The following KIRREL1 variants were observed in gnomAD, a reference collection of about 807,000 sequenced individuals.
The protein encoded by KIRREL1 is kirre like nephrin family adhesion molecule 1.
Under a neutral mutation model 83.3 loss-of-function variants are expected in KIRREL1, and 25 were observed. That is an observed-to-expected ratio of 0.30 (90% CI 0.22 to 0.42). KIRREL1 has a LOEUF of 0.42. Ranked by LOEUF, KIRREL1 falls within the 10% of genes least tolerant of loss-of-function variation. The pLI, the probability that KIRREL1 is intolerant of heterozygous loss-of-function variation, is 1.00. For synonymous variants in KIRREL1, 388 were observed against 410.4 expected (o/e 0.95, Z 0.66); for missense variants, 812 against 1,032.3 (o/e 0.79, Z 2.92).
chr1:158,099,552 C>T lies in KIRREL1; in HGVS notation c.*4432C>T, dbSNP rs960514876. The T allele has an allele frequency of 2.0e-5, 3 of 152,122 alleles. No individual in the cohort carries two copies. Among genetic ancestry groups the T allele is most frequent in the African/African-American group, 7.2e-5 (3 of 41,408 alleles). 9.4% of individuals were successfully genotyped at this position (152,122 alleles called of 1,614,324 possible). A position where few individuals can be genotyped will look rare whatever the true frequency, so the allele number is the denominator to read the frequency against. On this transcript the variant is annotated 3_prime_UTR_variant, in exon 15 of 15. Transcript: ENST00000359209. Reference sequence around the variant, plus strand: ...ATTTTTTTGCATCACTGTGAGGTAGCTTCAGGCCCTGTCCCTGGAGAAATA... The same window carrying T: ...ATTTTTTTGCATCACTGTGAGGTAGTTTCAGGCCCTGTCCCTGGAGAAATA...
intron 1 of KIRREL1, among the ~76,000 whole-genome samples, chr1:158,008,696 C>A (rs983587106): frequency 2.0e-5 from 3 of 152,114 alleles, no homozygotes; most frequent in Non-Finnish European, 4.4e-5. Flanking sequence ...AAGGGCTCAC[C>A]TTTACTCAGC....
intron 1 of KIRREL1, among the ~76,000 whole-genome samples, chr1:158,035,167 CCT>C (rs1337154065): frequency 1.3e-5 from 2 of 152,310 alleles, no homozygotes; most frequent in Admixed American, 1.3e-4. Context: ...ATTCAGGCTC[CCT>C]CTCTGCCTCT....
chr1:158,008,642 G>A (rs943170625), intron 1 of KIRREL1, among the ~76,000 whole-genome samples: 1 of 152,118 alleles, frequency 6.6e-6, no homozygotes, highest in Non-Finnish European at 1.5e-5. Flanking sequence ...CCCTGGAAAT[G>A]ACCAGGGAAT....
In KIRREL1 at chr1:158,091,501, C is replaced by T; in HGVS notation, c.1416C>T (p.Cys472=). Residue 472 remains cysteine, a synonymous_variant, in exon 11 of 15, where the codon TGC becomes TGT. Coordinates refer to ENST00000359209, the MANE Select transcript of KIRREL1 (RefSeq NM_018240.7). ...CCGACTTTCAGACTCACTACAACTG[C>T]ACCGCCTGGAACAGCTTCGGGCCAG... is the stretch of plus-strand genomic sequence containing the variant. ...MEADFQTHYN[C]TAWNSFGPGT... 1.2e-6 allele frequency: 2 copies of T among 1,614,270 alleles called. No individual in the cohort carries two copies. Among genetic ancestry groups the T allele is most frequent in the Non-Finnish European group, 1.7e-6 (2 of 1,180,052 alleles).
intron 1 of KIRREL1, among the ~76,000 whole-genome samples, 175 bp from the exon 2 acceptor site, chr1:158,075,938 G>C (rs1027666362): frequency 1.3e-5 from 2 of 152,218 alleles, no homozygotes; most frequent in Non-Finnish European, 2.9e-5. Context: ...AAGGAATAAA[G>C]GGTAAGGACG....
At chr1:158,028,360 T>A (rs1284904490) in intron 1 of KIRREL1, among the ~76,000 whole-genome samples, 1 of 152,208 alleles carries the variant, frequency 6.6e-6, no homozygotes, top group East Asian at 1.9e-4. Context: ...AGCTGTGTGA[T>A]GTGTCCCATC....
chr1:158,008,644 C>T (rs2101632356), intron 1 of KIRREL1, among the ~76,000 whole-genome samples: 1 of 152,076 alleles, frequency 6.6e-6, no homozygotes, highest in Non-Finnish European at 1.5e-5. Context: ...CTGGAAATGA[C>T]CAGGGAATGA....
chr1:158,077,926 GGT>G (rs1178884208), intron 2 of KIRREL1, 63 bp from the exon 3 acceptor site: 1 of 1,575,094 alleles, frequency 6.3e-7, no homozygotes, highest in Non-Finnish European at 8.7e-7. Flanking sequence ...GAGGAGTACT[GGT>G]GTGGGATGGC....
chr1:158,070,027 G>T (rs932307574), intron 1 of KIRREL1, among the ~76,000 whole-genome samples: 1 of 152,154 alleles, frequency 6.6e-6, no homozygotes. Context: ...TCCTCCCTTC[G>T]TGTAGGGACA....
At chr1:158,022,335 TATGTTCTG>T (rs1660023647) in intron 1 of KIRREL1, among the ~76,000 whole-genome samples, 1 of 152,198 alleles carries the variant, frequency 6.6e-6, no homozygotes, top group African/African-American at 2.4e-5. Flanking sequence ...AAACACCTAC[TATGTTCTG>T]GGATGTCCGT....
chr1:158,055,726 G>A (rs1661039247), intron 1 of KIRREL1, among the ~76,000 whole-genome samples: 1 of 152,202 alleles, frequency 6.6e-6, no homozygotes, highest in Admixed American at 6.5e-5. Flanking sequence ...TTGAAGGCTG[G>A]CTTAGAAAAG....
rs549279181 is a variant in KIRREL1, at chr1:158,096,932, C to T, written c.*1812C>T. ...TTTAATGAGTTACATGCTTATCAGC[C>T]ACAGGCCATTACCACCCTTATGGAT... On this transcript the variant is annotated 3_prime_UTR_variant, in exon 15 of 15. Coordinates refer to ENST00000359209, the MANE Select transcript of KIRREL1 (RefSeq NM_018240.7). 3 of 456,810 alleles carry T rather than the reference C, an allele frequency of 6.6e-6. No homozygotes were observed. The highest frequency in any genetic ancestry group is 1.3e-5 in the Non-Finnish European group (3 of 226,992). The allele number at this position is 456,810 out of a possible 1,614,324, so 28.3% of individuals were successfully genotyped here.
intron 1 of KIRREL1, among the ~76,000 whole-genome samples, chr1:158,017,625 G>T (rs1005571225): frequency 6.6e-6 from 1 of 152,062 alleles, no homozygotes; most frequent in Non-Finnish European, 1.5e-5. Context: ...CCAGGAGGAG[G>T]AGGTTGCAGT....
Position 158,099,897 on chromosome 1 carries a change from AT to A in KIRREL1, c.*4781del, listed in dbSNP as rs1662447907. On this transcript the variant is annotated 3_prime_UTR_variant, in exon 15 of 15. Transcript: ENST00000359209. ...CTTGTTAGCAACAGTGACCCAGAAAATTTTGAGAAGTCCAATTTCACCAGAA... is the reference window on the plus strand; with the variant it reads ...CTTGTTAGCAACAGTGACCCAGAAAATTTGAGAAGTCCAATTTCACCAGAA... 6.6e-6 allele frequency: 1 copy of A among 152,040 alleles called. No homozygotes were observed. Among genetic ancestry groups the A allele is most frequent in the Admixed American group, 6.6e-5 (1 of 15,260 alleles). 9.4% of individuals were successfully genotyped at this position (152,040 alleles called of 1,614,324 possible).
At chr1:158,082,695 C>T (rs762424641) in intron 3 of KIRREL1, among the ~76,000 whole-genome samples, 39 of 152,252 alleles carry the variant, frequency 2.6e-4, no homozygotes, top group Admixed American at 2.2e-3. Context: ...CGGTGGAGCA[C>T]GCTGGCTCAT....
At position 158,096,965 on chromosome 1, in the gene KIRREL1, G is replaced by A. The variant is rs1416291332; in HGVS notation, c.*1845G>A. On this transcript the variant is annotated 3_prime_UTR_variant, in exon 15 of 15. Coordinates refer to ENST00000359209, the MANE Select transcript of KIRREL1 (RefSeq NM_018240.7). ...ATTACCACCCTTATGGATGGGTCTGGGGGGCGACATTCCTGGCCAACCCCT... is the reference window on the plus strand; with the variant it reads ...ATTACCACCCTTATGGATGGGTCTGAGGGGCGACATTCCTGGCCAACCCCT... 4.4e-6 allele frequency: 2 copies of A among 456,752 alleles called. No individual in the cohort carries two copies. Among genetic ancestry groups the A allele is most frequent in the South Asian group, 3.1e-5 (2 of 64,560 alleles). 28.3% of individuals were successfully genotyped at this position (456,752 alleles called of 1,614,324 possible).
At chr1:158,090,783 T>C (rs3768539) in intron 10 of KIRREL1, among the ~76,000 whole-genome samples, 107,238 of 152,130 alleles carry the variant, frequency 0.7, 38,109 homozygotes, top group South Asian at 0.81. Context: ...GATTGAGTTA[T>C]GCTTAGTTAG....
intron 1 of KIRREL1, among the ~76,000 whole-genome samples, chr1:158,000,776 C>T (rs1297067522): frequency 2.0e-5 from 3 of 152,192 alleles, no homozygotes; most frequent in Non-Finnish European, 4.4e-5. Flanking sequence ...CCTCCTTGAG[C>T]CCATTTAACA....
chr1:158,036,303 G>A (rs966662928), intron 1 of KIRREL1, among the ~76,000 whole-genome samples: 1 of 152,112 alleles, frequency 6.6e-6, no homozygotes, highest in Admixed American at 6.5e-5. Flanking sequence ...ATACTGCAAC[G>A]AACTTGTAGC....
Sources: gnomAD v4.1 joint callset for allele counts (sites outside exome capture counted in the v4.1 genomes callset) on GRCh38, gnomAD v4.1.1 for gene constraint, MANE v1.5 for transcripts, NCBI Gene and HGNC (gene_info 2026-07-23, HGNC 2026-07-21) for gene names.